Variants in EFCAB6 observed in about 807,000 individuals in gnomAD.
EFCAB6 encodes the protein EF-hand calcium binding domain 6.
In EFCAB6, 156 loss-of-function variants were observed where a neutral mutation model predicts 169.8. That is an observed-to-expected ratio of 0.92 (90% CI 0.81 to 1.05). EFCAB6 has a LOEUF of 1.05. Ranked by LOEUF, EFCAB6 falls within the 50% of genes least tolerant of loss-of-function variation. The probability of loss-of-function intolerance (pLI) is 0.00; values close to 1 mark genes in which losing one functional copy is unlikely to be tolerated. For synonymous variants in EFCAB6, 698 were observed against 676.4 expected (o/e 1.03, Z -0.50); for missense variants, 1,800 against 1,829.1 (o/e 0.98, Z 0.29).
chr22:43,635,727 A>C (rs570169040), intron 17 of EFCAB6, among the ~76,000 whole-genome samples: 1 of 152,194 alleles, frequency 6.6e-6, no homozygotes, highest in East Asian at 1.9e-4. Flanking sequence ...TTTCTTCTCC[A>C]TATGCTAGTC....
At chr22:43,553,632 G>A (rs548043824) in intron 27 of EFCAB6, 2 of 152,476 alleles carry the variant, frequency 1.3e-5, no homozygotes, top group East Asian at 3.9e-4. Flanking sequence ...CCCTGGTGCT[G>A]GTGTTCAGTG....
chr22:43,587,223 T>C (rs1238340359), intron 24 of EFCAB6, among the ~76,000 whole-genome samples: 1 of 151,924 alleles, frequency 6.6e-6, no homozygotes, highest in Non-Finnish European at 1.5e-5. Flanking sequence ...GACCTGGAGG[T>C]ATATTCTCCG....
Position 43,611,213 on chromosome 22 carries a change from C to T in EFCAB6, c.2563-2613G>A, listed in dbSNP as rs1021989864. Among the ~76,000 whole-genome samples, 36 of 152,236 alleles carry T rather than the reference C, an allele frequency of 2.4e-4. 1 individual carries two copies. Among genetic ancestry groups the T allele is most frequent in the Admixed American group, 2.2e-3 (33 of 15,284 alleles). On this transcript the variant is annotated intron_variant, in intron 21 of 31. Coordinates refer to ENST00000262726, the MANE Select transcript of EFCAB6 (RefSeq NM_022785.4). ...TTGCTTTGGACAGCATGGTCTCAAA[C>T]TGACAGCAAAATTAGGAATGTAATC...
At chr22:43,742,696 G>A (rs975427479) in intron 6 of EFCAB6, among the ~76,000 whole-genome samples, 3 of 152,194 alleles carry the variant, frequency 2.0e-5, no homozygotes, top group Admixed American at 6.5e-5. Context: ...TGAGCCTGGC[G>A]CTGATTCCAG....
intron 2 of EFCAB6, among the ~76,000 whole-genome samples, chr22:43,784,470 G>A (rs1333647853): frequency 7.3e-6 from 1 of 137,028 alleles, no homozygotes; most frequent in Non-Finnish European, 1.5e-5. Flanking sequence ...GGGCAACAGA[G>A]CAAGGCCCTG....
At chr22:43,548,097 AAAAT>A (rs1179587315) in intron 27 of EFCAB6, among the ~76,000 whole-genome samples, 1 of 152,188 alleles carries the variant, frequency 6.6e-6, no homozygotes, top group African/African-American at 2.4e-5. Flanking sequence ...CTCCGTCTCA[AAAAT>A]AAATAAATAA....
At chr22:43,806,420 A>C (rs1265127145) in intron 2 of EFCAB6, among the ~76,000 whole-genome samples, 2 of 151,776 alleles carry the variant, frequency 1.3e-5, no homozygotes, top group Non-Finnish European at 2.9e-5. Flanking sequence ...ACACCTGCCT[A>C]ATTTTTGTAG....
chr22:43,716,025 A>T (rs1022882222), intron 9 of EFCAB6, among the ~76,000 whole-genome samples: 1 of 152,232 alleles, frequency 6.6e-6, no homozygotes, highest in Admixed American at 6.5e-5. Context: ...GTTTTGCTGT[A>T]TAAAGGATTG....
intron 22 of EFCAB6, among the ~76,000 whole-genome samples, chr22:43,606,235 G>T (rs573950378): frequency 6.6e-6 from 1 of 152,284 alleles, no homozygotes; most frequent in South Asian, 2.1e-4. Context: ...GTTTATTAGC[G>T]CTTGATTTCT....
chr22:43,572,889 A>T lies in EFCAB6; in HGVS notation c.3420+3408T>A, dbSNP rs1230826107. ...CGCCTGGTACACATGGGCCATAGGAAACACGTGTCATGAGAGAGTGAATGA... is the reference window on the plus strand; with the variant it reads ...CGCCTGGTACACATGGGCCATAGGATACACGTGTCATGAGAGAGTGAATGA... On this transcript the variant is annotated intron_variant, in intron 26 of 31. Coordinates refer to ENST00000262726, the MANE Select transcript of EFCAB6 (RefSeq NM_022785.4). This position sits in a 1 kb window ranked among gnomAD's most constrained non-coding sequence, Gnocchi z 4.0. Among the ~76,000 whole-genome samples the T allele has an allele frequency of 1.3e-5, 2 of 152,214 alleles. No individual in the cohort carries two copies. The highest frequency in any genetic ancestry group is 2.4e-5 in the African/African-American group (1 of 41,442).
intron 20 of EFCAB6, among the ~76,000 whole-genome samples, chr22:43,624,541 G>A (rs1038669513): frequency 2.0e-5 from 3 of 152,012 alleles, no homozygotes; most frequent in East Asian, 1.9e-4. Context: ...CTGTGATCTC[G>A]CAAATGCTCT....
chr22:43,699,298 C>A (rs1485173739), intron 10 of EFCAB6, among the ~76,000 whole-genome samples: 1 of 152,138 alleles, frequency 6.6e-6, no homozygotes, highest in Non-Finnish European at 1.5e-5. Flanking sequence ...TCCTGCCCTG[C>A]TGGGCAGCAG....
chr22:43,583,276 C>G (rs1375469876), intron 24 of EFCAB6, among the ~76,000 whole-genome samples: 1 of 151,490 alleles, frequency 6.6e-6, no homozygotes, highest in Non-Finnish European at 1.5e-5. Context: ...GTTTACTCTT[C>G]CCCATTAAAG....
At chr22:43,629,027 C>T (rs1016590252) in intron 19 of EFCAB6, among the ~76,000 whole-genome samples, 8 of 152,190 alleles carry the variant, frequency 5.3e-5, no homozygotes, top group Admixed American at 3.3e-4. Flanking sequence ...ATAACTGCAA[C>T]GTGGGCCCTG....
intron 13 of EFCAB6, among the ~76,000 whole-genome samples, chr22:43,677,594 C>T (rs1189387171): frequency 1.3e-5 from 2 of 151,916 alleles, no homozygotes; most frequent in Admixed American, 6.6e-5. Flanking sequence ...TGCAGTGAGC[C>T]GAGATCATGC....
rs139364814 is a variant in EFCAB6 at position 43,576,483 on chromosome 22, A to C, written c.3234T>G (p.Phe1078Leu). ...ESSQLALSTA[F>L]SALDKEDTGF... is the part of the protein sequence containing the mutation. ...CTGTATCCTCTTTATCCAATGCAGA[A>C]AATGCCTAAAAAGAAAGAAAAGAAA... Residue 1078 changes from phenylalanine to leucine, a missense_variant, in exon 26 of 32, where the codon TTT (phenylalanine) becomes TTG (leucine). Phe to Leu is a conservative substitution (Grantham distance 22). Coordinates refer to ENST00000262726, the MANE Select transcript of EFCAB6 (RefSeq NM_022785.4). 1.4e-5 allele frequency: 21 copies of C among 1,527,130 alleles called. No individual in the cohort carries two copies. In the African/African-American group the frequency reaches 2.6e-4, roughly 19 times the overall value. The allele number at this position is 1,527,130 out of a possible 1,614,324, so 94.6% of individuals were successfully genotyped here.
intron 27 of EFCAB6, among the ~76,000 whole-genome samples, chr22:43,541,078 C>A (rs1046940829): frequency 6.6e-6 from 1 of 152,142 alleles, no homozygotes; most frequent in African/African-American, 2.4e-5. Context: ...TTTTGCACAG[C>A]CCCAAAAACC....
chr22:43,741,540 C>T (rs2060371534), intron 6 of EFCAB6, among the ~76,000 whole-genome samples: 1 of 152,224 alleles, frequency 6.6e-6, no homozygotes, highest in Non-Finnish European at 1.5e-5. Flanking sequence ...ACACCTGGAC[C>T]ATTTCCTATT....
intron 22 of EFCAB6, among the ~76,000 whole-genome samples, 154 bp from the exon 23 acceptor site, chr22:43,600,417 C>T (rs1481031791): frequency 2.6e-5 from 4 of 152,172 alleles, no homozygotes; most frequent in Non-Finnish European, 5.9e-5. Flanking sequence ...GAATCAGCCC[C>T]GCCTGGCAGA....
Sources: gnomAD v4.1 joint callset for allele counts (sites outside exome capture counted in the v4.1 genomes callset) on GRCh38, gnomAD v4.1.1 for gene constraint, Gnocchi (gnomAD v3.1) non-coding constraint, MANE v1.5 for transcripts, NCBI Gene and HGNC (gene_info 2026-07-23, HGNC 2026-07-21) for gene names.